The following CREM variants were observed in gnomAD, a reference collection of about 807,000 sequenced individuals.
CREM encodes cAMP-responsive element modulator.
A neutral mutation model predicts 37.3 loss-of-function variants in CREM; 13 were observed. The ratio of observed to expected loss-of-function variants is 0.35; its 90% CI spans 0.23 to 0.55. The LOEUF is 0.55. Among genes scored for constraint, CREM ranks in the 20% least tolerant of loss-of-function variants. The pLI is 0.88. For synonymous variants in CREM, 124 were observed against 120.2 expected, an observed-to-expected ratio of 1.03 and a Z score of -0.21; for missense variants, 296 against 362.3, an observed-to-expected ratio of 0.82 and a Z score of 1.49.
At chr10:35,193,054 T>G (rs1219199082) in intron 6 of CREM, among the ~76,000 whole-genome samples, 1 of 152,212 alleles carries the variant, frequency 6.6e-6, no homozygotes, top group East Asian at 1.9e-4. Flanking sequence ...GAGGAAGCCT[T>G]GCCCATCCTC....
At chr10:35,138,022 A>T in intron 2 of CREM, 143 bp downstream of exon 2, 2 of 511,544 alleles carry the variant, frequency 3.9e-6, no homozygotes, top group Non-Finnish European at 6.2e-6. Context: ...TTATTCAGCC[A>T]TTCACTTAAG....
At chr10:35,190,044 C>G (rs75352243) in intron 6 of CREM, among the ~76,000 whole-genome samples, 8,272 of 152,160 alleles carry the variant, frequency 0.054, 266 homozygotes, top group Middle Eastern at 0.071. Context: ...TCTATTCCCC[C>G]CATACTCATG....
At chr10:35,133,365 T>C (rs1016934372) in intron 1 of CREM, among the ~76,000 whole-genome samples, 3 of 151,360 alleles carry the variant, frequency 2.0e-5, no homozygotes, top group African/African-American at 7.3e-5. Context: ...TGGAGTGCAA[T>C]GGAGCAATCT....
chr10:35,130,985 A>T (rs2089263557), intron 1 of CREM, among the ~76,000 whole-genome samples: 1 of 152,204 alleles, frequency 6.6e-6, no homozygotes, highest in Non-Finnish European at 1.5e-5. Flanking sequence ...CGTGTGTGTG[A>T]AGTAGTTTTT....
chr10:35,189,181 TTTTTTG>T (rs1191144883), intron 6 of CREM, among the ~76,000 whole-genome samples: 2 of 148,188 alleles, frequency 1.3e-5, no homozygotes, highest in Non-Finnish European at 3.0e-5. Flanking sequence ...TTTTTTGTTT[TTTTTTG>T]TTTGTTTGTT....
rs186821436 is a variant in CREM at position 35,139,916 on chromosome 10, G to A, written c.44+2037G>A. On this transcript the variant is annotated intron_variant, in intron 2 of 7. Transcript: ENST00000685392. Reference sequence around the variant, plus strand: ...GGTCCTGCATTTCTGCTGAGATAGTGCCTGAAAAATGCCTGGTACAGTGCT... The same window carrying A: ...GGTCCTGCATTTCTGCTGAGATAGTACCTGAAAAATGCCTGGTACAGTGCT... Among the ~76,000 whole-genome samples the A allele has an allele frequency of 3.8e-3, 579 of 152,256 alleles. 5 individuals are homozygous for A. The highest frequency in any genetic ancestry group is 0.014 in the Middle Eastern group (4 of 294).
At position 35,177,563 on chromosome 10, in the gene CREM, T is replaced by C. The variant is rs567598625; in HGVS notation, c.169-1326T>C. ...ATCCTCTTGCCTCAGTCTTTCAAAG[T>C]GCTGGGATTACAGATGTGAGCCACA... On this transcript the variant is annotated intron_variant, in intron 3 of 7. Coordinates refer to ENST00000685392, the MANE Select transcript of CREM (RefSeq NM_183011.2). 5.9e-5 allele frequency among the ~76,000 whole-genome samples: 9 copies of C among 152,344 alleles called. No individual in the cohort carries two copies. In the South Asian group the frequency reaches 1.7e-3, roughly 28 times the overall value.
At chr10:35,132,658 T>C (rs148056281) in intron 1 of CREM, among the ~76,000 whole-genome samples, 2 of 152,354 alleles carry the variant, frequency 1.3e-5, no homozygotes, top group East Asian at 3.9e-4. Context: ...TACTGTTACT[T>C]TGCTTCATAA....
In CREM at chr10:35,178,879, T is replaced by G. The variant is rs2094221729; in HGVS notation, c.169-10T>G. On this transcript the variant is annotated splice_polypyrimidine_tract_variant and intron_variant, in intron 3 of 7. Coordinates refer to ENST00000685392, the MANE Select transcript of CREM (RefSeq NM_183011.2). The stretch of plus-strand genomic sequence containing the variant: ...TTTTATGATACATTTCAGAAAATCT[T>G]GTATTATAGGTAGCAGCAATTGCAG... 1.3e-6 allele frequency: 2 copies of G among 1,593,378 alleles called. No individual in the cohort carries two copies. The highest frequency in any genetic ancestry group is 2.7e-5 in the African/African-American group (2 of 73,862).
At chr10:35,138,210 C>T (rs951796174) in intron 2 of CREM, among the ~76,000 whole-genome samples, 5 of 152,206 alleles carry the variant, frequency 3.3e-5, no homozygotes, top group Non-Finnish European at 4.4e-5. Context: ...CCCGGCCTTT[C>T]GGCCATACTT....
chr10:35,211,896 T>C lies in CREM; in HGVS notation c.*498T>C. The stretch of plus-strand genomic sequence containing the variant: ...CAAGAATGGTGGCTTCTTTTCTTTG[T>C]ATCATTCATCTTCTTCTTTAATCAC... On this transcript the variant is annotated 3_prime_UTR_variant, in exon 8 of 8. Transcript: ENST00000685392. 1.6e-6 allele frequency: 2 copies of C among 1,217,940 alleles called. No individual in the cohort carries two copies. Among genetic ancestry groups the C allele is most frequent in the Admixed American group, 5.4e-5 (2 of 36,918 alleles). The allele number at this position is 1,217,940 out of a possible 1,614,324, so 75.4% of individuals were successfully genotyped here.
chr10:35,207,818 A>G (rs1301337986), intron 7 of CREM, among the ~76,000 whole-genome samples: 2 of 152,050 alleles, frequency 1.3e-5, no homozygotes, highest in African/African-American at 2.4e-5. Flanking sequence ...CCCAAGTTAC[A>G]TGTTGTGTGG....
chr10:35,188,953 C>T (rs1038093153), intron 6 of CREM, among the ~76,000 whole-genome samples: 11 of 152,050 alleles, frequency 7.2e-5, no homozygotes, highest in East Asian at 1.9e-4. Flanking sequence ...GGATTACAGA[C>T]GTGAGCCACC....
chr10:35,196,994 T>C (rs531792743), intron 6 of CREM, among the ~76,000 whole-genome samples: 46 of 150,374 alleles, frequency 3.1e-4, no homozygotes, highest in African/African-American at 1.1e-3. Flanking sequence ...CTCAGCCTCC[T>C]AAGTAGCTGG....
intron 3 of CREM, among the ~76,000 whole-genome samples, chr10:35,167,983 C>CT (rs377504145): frequency 2.0e-5 from 3 of 152,062 alleles, no homozygotes; most frequent in Non-Finnish European, 2.9e-5. Flanking sequence ...TGAACTCATC[C>CT]TTTTTTTATG....
At chr10:35,211,192 G>T in intron 7 of CREM, 62 bp from the exon 8 acceptor site, 1 of 1,578,004 alleles carries the variant, frequency 6.3e-7, no homozygotes, top group South Asian at 1.2e-5. Context: ...GAAGTGCACT[G>T]ACCCACTGTG....
At chr10:35,154,153 ATGT>A (rs1403615248) in intron 3 of CREM, 3 of 398,404 alleles carry the variant, frequency 7.5e-6, no homozygotes, top group East Asian at 7.1e-5. Context: ...ATACTTGGAA[ATGT>A]TGTCATGTGC....
intron 3 of CREM, among the ~76,000 whole-genome samples, chr10:35,151,464 C>T (rs1287716547): frequency 6.6e-6 from 1 of 152,192 alleles, no homozygotes; most frequent in Non-Finnish European, 1.5e-5. Flanking sequence ...CATCCTCCAC[C>T]TCCCGGGTTC....
rs1177765858 is a variant in CREM at position 35,211,435 on chromosome 10, G to A, written c.*37G>A. 1 of 1,598,836 alleles carries A rather than the reference G, an allele frequency of 6.3e-7. No individual in the cohort carries two copies. ...TTGGACCTTGTTTACTCTAATCAAG[G>A]CAGGAGATGCAGCAGTCCTACTTAT... On this transcript the variant is annotated 3_prime_UTR_variant, in exon 8 of 8. Coordinates refer to ENST00000685392, the MANE Select transcript of CREM (RefSeq NM_183011.2).
Sources: allele counts gnomAD v4.1 joint callset (sites outside exome capture counted in the v4.1 genomes callset), GRCh38; gene constraint gnomAD v4.1.1; transcripts MANE v1.5; gene names NCBI Gene and HGNC (gene_info 2026-07-23, HGNC 2026-07-21).